The following OVCH1 variants were observed in gnomAD, a reference collection of about 807,000 sequenced individuals.
OVCH1 encodes the protein ovochymase 1.
A neutral mutation model predicts 138.4 loss-of-function variants in OVCH1; 139 were observed. The observed-to-expected ratio is 1.00, with a 90% CI of 0.87 to 1.16. The LOEUF is 1.16. Ranked by LOEUF, OVCH1 falls within the 50% of genes most tolerant of loss-of-function variation. The pLI is 0.00. For missense variants in OVCH1, 1,367 were observed against 1,357.9 expected (o/e 1.01, Z -0.11); for synonymous variants, 453 against 467.8 (o/e 0.97, Z 0.41).
At position 29,440,432 on chromosome 12, in the gene OVCH1, T is replaced by A. The variant is rs983375730; in HGVS notation, c.3158-998A>T. ...CAATCTTTGTGTGCCCTTTCACCCATAGAAGAGGCAATAGGGTGACAGTCT... is the reference window on the plus strand; with the variant it reads ...CAATCTTTGTGTGCCCTTTCACCCAAAGAAGAGGCAATAGGGTGACAGTCT... On this transcript the variant is annotated intron_variant, in intron 25 of 27. Transcript: ENST00000318184. 3.0e-5 allele frequency: 6 copies of A among 198,594 alleles called. No individual in the cohort carries two copies. The Admixed American group carries it at 3.6e-4, about 12-fold the overall frequency. 12.3% of individuals were successfully genotyped at this position (198,594 alleles called of 1,614,324 possible).
intron 19 of OVCH1, among the ~76,000 whole-genome samples, chr12:29,460,095 A>T (rs1942079611): frequency 6.6e-6 from 1 of 152,178 alleles, no homozygotes; most frequent in South Asian, 2.1e-4. Context: ...TTTTCCTCCC[A>T]TATATGGGCA....
intron 3 of OVCH1, among the ~76,000 whole-genome samples, chr12:29,414,967 C>T (rs1000066924): frequency 2.0e-5 from 3 of 151,800 alleles, no homozygotes; most frequent in South Asian, 2.1e-4. Context: ...TAAATACAAA[C>T]GACTAGTACA....
chr12:29,465,077 T>C (rs1942270002), intron 17 of OVCH1, 70 bp downstream of exon 17: 1 of 1,319,318 alleles, frequency 7.6e-7, no homozygotes, highest in African/African-American at 1.5e-5. Flanking sequence ...ATATTTTAGC[T>C]AAAGGTATTC....
Position 29,486,276 on chromosome 12 carries a change from T to C in OVCH1, c.965A>G (p.Glu322Gly), listed in dbSNP as rs763979222. The change falls in exon 8 of 28, where the codon GAA (glutamate) becomes GGA (glycine). Residue 322 changes from glutamate (E) to glycine (G), a missense_variant. By Grantham distance (98) the Glu-to-Gly change is moderately conservative (BLOSUM62 -2). Transcript: ENST00000318184. ...CTTTCCTCTCTGGCTTCCATTCACT[T>C]CTTGGACAGAACTCAGGGCCTTTGT... The C allele has an allele frequency of 9.9e-6, 16 of 1,613,682 alleles. No individual in the cohort carries two copies. In the East Asian group the frequency reaches 3.6e-4, roughly 36 times the overall value.
intron 3 of OVCH1, 26 bp downstream of exon 3, chr12:29,496,155 A>C: frequency 1.9e-6 from 3 of 1,560,456 alleles, no homozygotes; most frequent in Non-Finnish European, 2.6e-6. Context: ...TCAAGGCCTG[A>C]CAAGTAATGG....
At chr12:29,409,418 C>G (rs1406510512), downstream of OVCH1, among the ~76,000 whole-genome samples, 1 of 151,940 alleles carries the variant, frequency 6.6e-6, no homozygotes, top group African/African-American at 2.4e-5. Flanking sequence ...AATTTTGGAT[C>G]TTTCCTGCTT....
chr12:29,491,890 G>C (rs190387476), intron 4 of OVCH1, among the ~76,000 whole-genome samples: 1 of 152,124 alleles, frequency 6.6e-6, no homozygotes, highest in African/African-American at 2.4e-5. Flanking sequence ...AGTAGAACAA[G>C]ATGATCAAAT....
At chr12:29,427,899 T>C (rs1402193455) in intron 27 of OVCH1, among the ~76,000 whole-genome samples, 2 of 152,220 alleles carry the variant, frequency 1.3e-5, no homozygotes, top group African/African-American at 4.8e-5. Flanking sequence ...ATTCAGGTTG[T>C]CTCATTTGTA....
chr12:29,482,977 T>C (rs1942981766), intron 8 of OVCH1, among the ~76,000 whole-genome samples: 1 of 152,224 alleles, frequency 6.6e-6, no homozygotes, highest in African/African-American at 2.4e-5. Context: ...TAATATTGAA[T>C]TGAACTCTGC....
chr12:29,438,588 G>A (rs1442295579), intron 26 of OVCH1, among the ~76,000 whole-genome samples: 2 of 152,030 alleles, frequency 1.3e-5, no homozygotes, highest in African/African-American at 4.8e-5. Context: ...GCAAATCTTT[G>A]TGTGTTTGTA....
chr12:29,486,878 C>T (rs1943124626), intron 7 of OVCH1: 1 of 455,130 alleles, frequency 2.2e-6, no homozygotes, highest in Admixed American at 2.4e-5. Flanking sequence ...GTCAACTTTC[C>T]CTTCCAGGTG....
In OVCH1 at chr12:29,488,620, C is replaced by CAAAAAAAAA. The variant is rs67595567; in HGVS notation, c.703-747_703-739dup. ...TGGGCAACAGAGTGAGACTCCATCT[C>CAAAAAAAAA]AAAAAAAAAAAAAAAAAAAAAAAGA... On this transcript the variant is annotated intron_variant, in intron 6 of 27. Coordinates refer to ENST00000318184, the Ensembl canonical transcript of OVCH1. 2.9e-3 allele frequency among the ~76,000 whole-genome samples: 179 copies of CAAAAAAAAA among 61,718 alleles called. 6 individuals carry two copies. Among genetic ancestry groups the CAAAAAAAAA allele is most frequent in the African/African-American group, 0.011 (157 of 14,752 alleles). The allele number at this position is 61,718 out of a possible 152,430, so 40.5% of individuals were successfully genotyped here. A position where few individuals can be genotyped will look rare whatever the true frequency, so the allele number is the denominator to read the frequency against.
At chr12:29,477,117 C>G in exon 12 of OVCH1, 1 of 1,609,798 alleles carries the variant, frequency 6.2e-7, no homozygotes, top group Middle Eastern at 1.7e-4. Context: ...TAATGTGCTT[C>G]TCTGGAGCAC....
chr12:29,421,942 T>C (rs1941110312), intron 3 of OVCH1, among the ~76,000 whole-genome samples: 1 of 152,160 alleles, frequency 6.6e-6, no homozygotes, highest in African/African-American at 2.4e-5. Context: ...TTAAAACTCA[T>C]TTCTACTTCC....
chr12:29,418,313 A>C (rs1210154499), intron 3 of OVCH1, among the ~76,000 whole-genome samples: 1 of 152,212 alleles, frequency 6.6e-6, no homozygotes, highest in Non-Finnish European at 1.5e-5. Flanking sequence ...AAGTATAGAA[A>C]ATTGAACATC....
chr12:29,465,476 G>A (rs1942283726), intron 16 of OVCH1, among the ~76,000 whole-genome samples: 1 of 152,094 alleles, frequency 6.6e-6, no homozygotes, highest in African/African-American at 2.4e-5. Context: ...GAGAGCAAAG[G>A]AAGCCACACA....
At chr12:29,429,580 A>ATAT (rs1436991789) in intron 27 of OVCH1, among the ~76,000 whole-genome samples, 1 of 152,250 alleles carries the variant, frequency 6.6e-6, no homozygotes, top group Non-Finnish European at 1.5e-5. Context: ...TCTATCATAA[A>ATAT]TATTATATAA....
At chr12:29,475,266 A>AT in intron 13 of OVCH1, 77 bp from the exon 14 acceptor site, 1 of 1,187,546 alleles carries the variant, frequency 8.4e-7, no homozygotes, top group Non-Finnish European at 1.1e-6. Context: ...TAATCACCCA[A>AT]TTTTCTAATC....
downstream of OVCH1, among the ~76,000 whole-genome samples, chr12:29,411,979 G>A (rs1940964895): frequency 1.0e-5 from 1 of 97,770 alleles, no homozygotes; most frequent in Non-Finnish European, 2.7e-5. Flanking sequence ...CTTCCCCGCT[G>A]CTTTATTTAC....
Sources: allele counts gnomAD v4.1 joint callset (sites outside exome capture counted in the v4.1 genomes callset), GRCh38; gene constraint gnomAD v4.1.1; transcripts MANE v1.5; gene names NCBI Gene and HGNC (gene_info 2026-07-23, HGNC 2026-07-21).